Variants in TMEM184B observed in about 807,000 individuals in gnomAD.
TMEM184B encodes transmembrane protein 184B, also known as putative MAPK-activating protein FM08.
A neutral mutation model predicts 41.8 loss-of-function variants in TMEM184B; 17 were observed. The observed-to-expected ratio is 0.41, with a 90% CI of 0.28 to 0.61. The LOEUF (loss-of-function observed/expected upper bound fraction) is 0.61, where lower values mean the gene tolerates loss of function less well. Ranked by LOEUF, TMEM184B falls within the 20% of genes least tolerant of loss-of-function variation. TMEM184B has a pLI of 0.34. For synonymous variants in TMEM184B, 240 were observed against 229.5 expected (o/e 1.05, Z -0.41); for missense variants, 393 against 557.8 (o/e 0.70, Z 2.98).
chr22:38,264,610 C>T (rs1205657508), intron 1 of TMEM184B, among the ~76,000 whole-genome samples: 5 of 152,148 alleles, frequency 3.3e-5, no homozygotes, highest in Non-Finnish European at 7.3e-5. Flanking sequence ...ACTCCTGTGC[C>T]CAACAGCCAT....
chr22:38,227,757 G>A (rs2091487672), intron 5 of TMEM184B, among the ~76,000 whole-genome samples: 1 of 152,158 alleles, frequency 6.6e-6, no homozygotes, highest in Non-Finnish European at 1.5e-5. Context: ...GGATGGCACA[G>A]CCAGGAAGCG....
At chr22:38,243,813 T>G (rs2145675122) in intron 3 of TMEM184B, among the ~76,000 whole-genome samples, 1 of 152,282 alleles carries the variant, frequency 6.6e-6, no homozygotes, top group Non-Finnish European at 1.5e-5. Context: ...AGTAGGCATC[T>G]CCCATGGGCC....
chr22:38,268,323 C>T (rs1328145683), intron 1 of TMEM184B, among the ~76,000 whole-genome samples: 1 of 148,200 alleles, frequency 6.7e-6, no homozygotes, highest in African/African-American at 2.5e-5. Context: ...TGCAGTGAGC[C>T]GAGATCCTGC....
rs1030856803 is a variant in TMEM184B, at chr22:38,219,621, A to C, written c.*1848T>G. 7 of 985,330 alleles carry C rather than the reference A, an allele frequency of 7.1e-6. No homozygotes were observed. The highest frequency in any genetic ancestry group is 6.0e-6 in the Non-Finnish European group (5 of 829,908). The allele number at this position is 985,330 out of a possible 1,614,324, so 61.0% of individuals were successfully genotyped here. A position where few individuals can be genotyped will look rare whatever the true frequency, so the allele number is the denominator to read the frequency against. On this transcript the variant is annotated 3_prime_UTR_variant, in exon 9 of 9. Transcript: ENST00000361906. ...TGTTCCCGTCCCCACGACCCCACGG[A>C]CCGCTGATTCCCTGCCACTGAGCTC...
At position 38,224,978 on chromosome 22, in the gene TMEM184B, G is replaced by A. The variant is rs2091386502; in HGVS notation, c.789C>T (p.Gly263=). 4 of 1,560,882 alleles carry A rather than the reference G, an allele frequency of 2.6e-6. No individual in the cohort carries two copies. Among genetic ancestry groups the A allele is most frequent in the South Asian group, 1.2e-5 (1 of 86,040 alleles). ...KSVIFLSFWQ[G]MLLAILEKCG... is the part of the protein sequence containing the mutation. Reference sequence around the variant, plus strand: ...ACTTCTCCAGGATGGCCAGGAGCATGCCTGGATGGGGAGGCACGGGTGTCT... The same window carrying A: ...ACTTCTCCAGGATGGCCAGGAGCATACCTGGATGGGGAGGCACGGGTGTCT... Residue 263 remains glycine (G), a splice_region_variant and synonymous_variant, in exon 8 of 9, where the codon GGC becomes GGT. Coordinates refer to ENST00000361906, the MANE Select transcript of TMEM184B (RefSeq NM_012264.5).
Position 38,247,826 on chromosome 22 carries a change from C to T in TMEM184B, c.136G>A (p.Ala46Thr), listed in dbSNP as rs1047354048. The T allele has an allele frequency of 1.1e-5, 17 of 1,613,814 alleles. No individual in the cohort carries two copies. Among genetic ancestry groups the T allele is most frequent in the Middle Eastern group, 1.6e-4 (1 of 6,084 alleles). Residue 46 changes from alanine to threonine, a missense_variant, in exon 2 of 9, where the codon GCT (alanine) becomes ACT (threonine). By Grantham distance (58) the Ala-to-Thr change is moderately conservative (BLOSUM62 0). Coordinates refer to ENST00000361906, the MANE Select transcript of TMEM184B (RefSeq NM_012264.5). ...EQPVFLMTTAAQAISGFFVWT... is the reference protein window; with the variant it reads ...EQPVFLMTTATQAISGFFVWT... ...ACGAAGAAGCCAGAGATGGCCTGAG[C>T]GGCAGTTGTCATCAGGAACACAGGC...
chr22:38,218,730 G>C (rs902315707), downstream of TMEM184B, among the ~76,000 whole-genome samples: 1 of 152,224 alleles, frequency 6.6e-6, no homozygotes, highest in Non-Finnish European at 1.5e-5. Flanking sequence ...AGGAAGCTGC[G>C]GGAGGACGCA....
chr22:38,230,809 G>T (rs1161030004), intron 4 of TMEM184B, 65 bp from the exon 5 acceptor site: 3 of 1,516,192 alleles, frequency 2.0e-6, no homozygotes, highest in Admixed American at 1.9e-5. Flanking sequence ...GAACAGTGGG[G>T]TGGGGAAGGC....
At position 38,261,998 on chromosome 22, in the gene TMEM184B, C is replaced by T. The variant is rs755091051; in HGVS notation, c.-59+10886G>A. 9.2e-5 allele frequency among the ~76,000 whole-genome samples: 14 copies of T among 152,218 alleles called. No individual in the cohort carries two copies. In the East Asian group the frequency reaches 2.5e-3, roughly 27 times the overall value. ...CCCCCAAAGACAAGAATGAATTCACCGAAGAGGCTGGACATAACCCAATGC... is the reference window on the plus strand; with the variant it reads ...CCCCCAAAGACAAGAATGAATTCACTGAAGAGGCTGGACATAACCCAATGC... On this transcript the variant is annotated intron_variant, in intron 1 of 8. Transcript: ENST00000361906.
At position 38,272,974 on chromosome 22, in the gene TMEM184B, C is replaced by T. The variant is rs534737415; in HGVS notation, c.-149G>A. 2 of 253,346 alleles carry T rather than the reference C, an allele frequency of 7.9e-6. No homozygotes were observed. The highest frequency in any genetic ancestry group is 1.2e-5 in the Non-Finnish European group (2 of 161,458). The allele number at this position is 253,346 out of a possible 1,614,324, so 15.7% of individuals were successfully genotyped here. ...GCGGGCGGCGCCGCAGCCCCGGAGTCTCCGCCGCCGCCGGCGCGTCCCGGG... is the reference window on the plus strand; with the variant it reads ...GCGGGCGGCGCCGCAGCCCCGGAGTTTCCGCCGCCGCCGGCGCGTCCCGGG... On this transcript the variant is annotated 5_prime_UTR_variant, in exon 1 of 9. Coordinates refer to ENST00000361906, the MANE Select transcript of TMEM184B (RefSeq NM_012264.5).
intron 1 of TMEM184B, among the ~76,000 whole-genome samples, chr22:38,248,475 G>A (rs371941509): frequency 3.3e-4 from 50 of 152,276 alleles, no homozygotes; most frequent in African/African-American, 1.2e-3. Flanking sequence ...CCTTTGCACT[G>A]GCTGTCTCTG....
At chr22:38,272,160 T>C (rs1044984036) in intron 1 of TMEM184B, among the ~76,000 whole-genome samples, 3 of 152,166 alleles carry the variant, frequency 2.0e-5, no homozygotes, top group Non-Finnish European at 4.4e-5. Flanking sequence ...GGGATATGTA[T>C]TGGGAATCCA....
At chr22:38,250,092 C>T (rs1394870364) in intron 1 of TMEM184B, among the ~76,000 whole-genome samples, 1 of 152,260 alleles carries the variant, frequency 6.6e-6, no homozygotes, top group Non-Finnish European at 1.5e-5. Flanking sequence ...CCTAGATGAT[C>T]TCATGGTCCC....
rs1296294976 is a variant in TMEM184B at position 38,247,969 on chromosome 22, G to T, written c.-8C>A. On this transcript the variant is annotated 5_prime_UTR_variant, in exon 2 of 9. Transcript: ENST00000361906. ...ATCCCCCCTCACTGTCATGGTGCCT[G>T]GCAGCAGGAGGCTCCCTGAGGGAAA... 1.3e-6 allele frequency: 2 copies of T among 1,563,020 alleles called. No homozygotes were observed. Among genetic ancestry groups the T allele is most frequent in the South Asian group, 2.3e-5 (2 of 86,256 alleles).
rs566308599 is a variant in TMEM184B at position 38,233,864 on chromosome 22, G to C, written c.359-2530C>G. Among the ~76,000 whole-genome samples, 10 of 152,224 alleles carry C rather than the reference G, an allele frequency of 6.6e-5. No homozygotes were observed. In the South Asian group the frequency reaches 2.1e-3, roughly 32 times the overall value. On this transcript the variant is annotated intron_variant, in intron 3 of 8. Coordinates refer to ENST00000361906, the MANE Select transcript of TMEM184B (RefSeq NM_012264.5). ...GGCTCACTGCAACCTCCACCTCTAG[G>C]GTTCAAGTGGTTCTCCTGTCTCAGC...
chr22:38,266,533 C>T (rs1312052471), intron 1 of TMEM184B, among the ~76,000 whole-genome samples: 1 of 152,250 alleles, frequency 6.6e-6, no homozygotes, highest in African/African-American at 2.4e-5. Context: ...GGCTGAAGAC[C>T]TCATCTTTCC....
Position 38,220,458 on chromosome 22 carries a change from C to T in TMEM184B, c.*1011G>A. ...TGTGGATAGGGGCCCCGAGAGGAGT[C>T]TGGGACCATTCCCCCCACCTCCCAG... is the stretch of plus-strand genomic sequence containing the variant. On this transcript the variant is annotated 3_prime_UTR_variant, in exon 9 of 9. Transcript: ENST00000361906. 1 of 985,888 alleles carries T rather than the reference C, an allele frequency of 1.0e-6. No homozygotes were observed. Among genetic ancestry groups the T allele is most frequent in the South Asian group, 4.7e-5 (1 of 21,284 alleles). The allele number at this position is 985,888 out of a possible 1,614,324, so 61.1% of individuals were successfully genotyped here. A position where few individuals can be genotyped will look rare whatever the true frequency, so the allele number is the denominator to read the frequency against.
intron 1 of TMEM184B, among the ~76,000 whole-genome samples, chr22:38,255,730 C>G (rs887382460): frequency 6.6e-6 from 1 of 152,206 alleles, no homozygotes; most frequent in African/African-American, 2.4e-5. Flanking sequence ...CACAAGTGAT[C>G]TGGATGGATC....
rs1304296143 is a variant in TMEM184B at position 38,260,455 on chromosome 22, C to G, written c.-59+12429G>C. Among the ~76,000 whole-genome samples, 3 of 152,156 alleles carry G rather than the reference C, an allele frequency of 2.0e-5. No individual in the cohort carries two copies. In the East Asian group the frequency reaches 5.8e-4, roughly 29 times the overall value. ...GTTTGAAGGGCTGACGTCATTTGCCCACAATCACCTGACAAATGGTTCTTC... is the reference window on the plus strand; with the variant it reads ...GTTTGAAGGGCTGACGTCATTTGCCGACAATCACCTGACAAATGGTTCTTC... On this transcript the variant is annotated intron_variant, in intron 1 of 8. Coordinates refer to ENST00000361906, the MANE Select transcript of TMEM184B (RefSeq NM_012264.5).
Sources: gnomAD v4.1 joint callset for allele counts (sites outside exome capture counted in the v4.1 genomes callset) on GRCh38, gnomAD v4.1.1 for gene constraint, MANE v1.5 for transcripts, NCBI Gene and HGNC (gene_info 2026-07-23, HGNC 2026-07-21) for gene names.